HNF4A: variants seen among roughly 807,000 people sequenced by gnomAD.
The protein encoded by HNF4A is hepatocyte nuclear factor 4 alpha, also known as hepatocyte nuclear factor 4-alpha.
HNF4A carries 15 observed loss-of-function variants against 52.4 expected under a neutral mutation model. The observed-to-expected ratio is 0.29, with a 90% CI of 0.19 to 0.44. The LOEUF (loss-of-function observed/expected upper bound fraction) is 0.44, where lower values mean the gene tolerates loss of function less well. Among genes scored for constraint, HNF4A ranks in the 20% least tolerant of loss-of-function variants. The pLI, the probability that HNF4A is intolerant of heterozygous loss-of-function variation, is 1.00. For missense variants in HNF4A, 479 were observed against 647.2 expected, an observed-to-expected ratio of 0.74 and a Z score of 2.82; for synonymous variants, 280 against 264.4, an observed-to-expected ratio of 1.06 and a Z score of -0.57.
intron 4 of HNF4A, 50 bp from the exon 5 acceptor site, chr20:44,414,457 G>C (rs778517092): frequency 6.2e-7 from 1 of 1,613,556 alleles, no homozygotes; most frequent in South Asian, 1.1e-5. Flanking sequence ...GACAGAGAGT[G>C]CGGGAGGGCC....
At chr20:44,429,394 A>G in intron 9 of HNF4A, 129 bp from the exon 10 acceptor site, 1 of 974,522 alleles carries the variant, frequency 1.0e-6, no homozygotes, top group Non-Finnish European at 1.6e-6. Context: ...TAATTCTCTC[A>G]TTTTATAGAG....
chr20:44,403,913 A>G (rs932298818), intron 1 of HNF4A, among the ~76,000 whole-genome samples: 1 of 152,158 alleles, frequency 6.6e-6, no homozygotes, highest in African/African-American at 2.4e-5. Context: ...CTCCTGCTGA[A>G]TGGCCAGGAG....
chr20:44,405,156 C>T (rs148823396), intron 1 of HNF4A, among the ~76,000 whole-genome samples: 3 of 143,560 alleles, frequency 2.1e-5, no homozygotes, highest in East Asian at 2.1e-4. Flanking sequence ...TGCATTTTCC[C>T]GGGGGCTGAC....
chr20:44,375,545 A>G (rs2063076213), intron 1 of HNF4A, among the ~76,000 whole-genome samples: 1 of 151,804 alleles, frequency 6.6e-6, no homozygotes, highest in South Asian at 2.1e-4. Flanking sequence ...GGTGTTAATA[A>G]CTTAACAAAC....
chr20:44,382,008 A>G (rs1409529343), intron 1 of HNF4A, among the ~76,000 whole-genome samples: 2 of 152,248 alleles, frequency 1.3e-5, no homozygotes, highest in Admixed American at 6.5e-5. Context: ...AAAGCAATCT[A>G]TGAAAAGGTC....
intron 1 of HNF4A, among the ~76,000 whole-genome samples, chr20:44,366,446 T>C (rs1438029000): frequency 2.6e-5 from 4 of 151,658 alleles, no homozygotes; most frequent in Non-Finnish European, 5.9e-5. Flanking sequence ...CATGCTGAAA[T>C]CCCATCTCTA....
At chr20:44,433,737 A>G (rs886674355), downstream of HNF4A, 1 of 152,244 alleles carries the variant, frequency 6.6e-6, no homozygotes, top group African/African-American at 2.4e-5. Flanking sequence ...GAGAATCTCC[A>G]GCCAGATCTG....
At chr20:44,425,315 G>C (rs1027882974) in intron 8 of HNF4A, among the ~76,000 whole-genome samples, 5 of 152,152 alleles carry the variant, frequency 3.3e-5, no homozygotes, top group African/African-American at 1.2e-4. Flanking sequence ...CACTCTGTTG[G>C]GTAGAGAGTG....
Position 44,365,314 on chromosome 20 carries a change from G to T in HNF4A, c.49+9461G>T, listed in dbSNP as rs151277203. On this transcript the variant is annotated intron_variant, in intron 1 of 9. Transcript: ENST00000316673. Reference sequence around the variant, plus strand: ...CTCCCAAGTAGCTGGGACCACAGGTGCATGCCACCATGCCCAGCTAATTTT... The same window carrying T: ...CTCCCAAGTAGCTGGGACCACAGGTTCATGCCACCATGCCCAGCTAATTTT... 4.2e-3 allele frequency among the ~76,000 whole-genome samples: 636 copies of T among 152,144 alleles called. 5 individuals are homozygous for T. The highest frequency in any genetic ancestry group is 0.014 in the African/African-American group (593 of 41,506).
At chr20:44,402,563 C>T (rs1489609624) in intron 1 of HNF4A, 2 of 1,365,184 alleles carry the variant, frequency 1.5e-6, no homozygotes, top group South Asian at 2.3e-5. Flanking sequence ...GATTTTGTTG[C>T]CGCTGCGTCT....
chr20:44,378,423 G>A (rs1397486463), intron 1 of HNF4A, among the ~76,000 whole-genome samples: 1 of 151,548 alleles, frequency 6.6e-6, no homozygotes, highest in Admixed American at 6.6e-5. Flanking sequence ...ATGCACCGCC[G>A]CACCCAGCTG....
At chr20:44,355,829 G>A (rs769394388) in exon 1 of HNF4A, 3 of 1,613,642 alleles carry the variant, frequency 1.9e-6, no homozygotes, top group Non-Finnish European at 1.7e-6. Flanking sequence ...CGCGCCCCTC[G>A]GGGCTCCAGT....
intron 1 of HNF4A, among the ~76,000 whole-genome samples, chr20:44,403,448 G>C (rs2063438452): frequency 6.6e-6 from 1 of 152,222 alleles, no homozygotes; most frequent in African/African-American, 2.4e-5. Context: ...GCCCCACCAT[G>C]GGTCATCTCA....
intron 1 of HNF4A, among the ~76,000 whole-genome samples, chr20:44,364,671 T>C (rs1223610135): frequency 2.0e-5 from 3 of 152,098 alleles, no homozygotes; most frequent in African/African-American, 7.2e-5. Context: ...ACTTTCACCA[T>C]CTTGGCCAGG....
intron 1 of HNF4A, among the ~76,000 whole-genome samples, chr20:44,363,967 G>A (rs138576596): frequency 2.0e-5 from 3 of 152,140 alleles, no homozygotes; most frequent in African/African-American, 4.8e-5. Flanking sequence ...TGGGATTACA[G>A]GTGTAAGCCA....
chr20:44,419,732 A>C lies in HNF4A; in HGVS notation c.748A>C (p.Ile250Leu), dbSNP rs773402510. Residue 250 changes from isoleucine (I) to leucine (L), a missense_variant, in exon 7 of 10, where the codon ATT becomes CTT. By Grantham distance (5) the Ile-to-Leu change is conservative. Around this residue, in one of 3 missense-constraint regions of HNF4A, gnomAD observed 389 missense variants for 525.1 expected, o/e 0.74. Coordinates refer to ENST00000316099, the MANE Select transcript of HNF4A (RefSeq NM_000457.6). ...CCCAACCCTTCCAGGCAATGACTAC[A>C]TTGTCCCTCGGCACTGCCCGGAGCT... The C allele has an allele frequency of 1.2e-6, 2 of 1,611,564 alleles. No individual in the cohort carries two copies. The highest frequency in any genetic ancestry group is 1.7e-6 in the Non-Finnish European group (2 of 1,178,608).
chr20:44,368,706 C>T (rs1366041480), intron 1 of HNF4A, among the ~76,000 whole-genome samples: 1 of 152,140 alleles, frequency 6.6e-6, no homozygotes, highest in African/African-American at 2.4e-5. Context: ...AGCTACATTA[C>T]CATGTTACAG....
chr20:44,383,126 C>T (rs911006675), intron 1 of HNF4A, among the ~76,000 whole-genome samples: 7 of 151,980 alleles, frequency 4.6e-5, no homozygotes, highest in African/African-American at 9.7e-5. Context: ...GCTGTGATGG[C>T]GCCACTGCAC....
Position 44,365,790 on chromosome 20 carries a change from T to C in HNF4A, c.49+9937T>C, listed in dbSNP as rs1035781690. Among the ~76,000 whole-genome samples the C allele has an allele frequency of 4.6e-5, 7 of 152,260 alleles. 1 individual carries two copies. On this transcript the variant is annotated intron_variant, in intron 1 of 9. Transcript: ENST00000316673. ...GGGAGGCTGAGGTGGGTGAATCACTTGACCCCAGGAGTTCAAGACCAGCCT... is the reference window on the plus strand; with the variant it reads ...GGGAGGCTGAGGTGGGTGAATCACTCGACCCCAGGAGTTCAAGACCAGCCT...
Sources: gnomAD v4.1 joint callset for allele counts (sites outside exome capture counted in the v4.1 genomes callset) on GRCh38, gnomAD v4.1.1 for gene constraint, gnomAD v4.1.1 regional missense constraint, MANE v1.5 for transcripts, NCBI Gene and HGNC (gene_info 2026-07-23, HGNC 2026-07-21) for gene names.